FRMPD4: variants seen among roughly 807,000 people sequenced by gnomAD.
FRMPD4 encodes the protein FERM and PDZ domain-containing protein 4.
A neutral mutation model predicts 94.1 loss-of-function variants in FRMPD4; 22 were observed. The observed-to-expected ratio is 0.23, with a 90% CI of 0.17 to 0.33. The LOEUF (loss-of-function observed/expected upper bound fraction) is 0.33. Among genes scored for constraint, FRMPD4 ranks in the 10% least tolerant of loss-of-function variants. The pLI is 1.00. For missense variants in FRMPD4, 1,111 were observed against 1,339.9 expected (o/e 0.83, Z 2.67); for synonymous variants, 631 against 548.6 (o/e 1.15, Z -2.10).
At chrX:12,661,567 T>G (rs1417271515) in intron 4 of FRMPD4, among the ~76,000 whole-genome samples, 1 of 112,166 alleles carries the variant, frequency 8.9e-6, no homozygotes, top group Non-Finnish European at 1.9e-5. Context: ...TGAACATGAC[T>G]TAGAAATGAC....
intron 3 of FRMPD4, among the ~76,000 whole-genome samples, chrX:11,881,752 T>A (rs140601103): frequency 3.9e-4 from 44 of 111,658 alleles, no homozygotes; most frequent in African/African-American, 1.4e-3. Context: ...CTGTACATCC[T>A]CCAAAGTCCA....
At chrX:12,150,086 C>T (rs1355180358) in intron 1 of FRMPD4, among the ~76,000 whole-genome samples, 1 of 112,569 alleles carries the variant, frequency 8.9e-6, no homozygotes, top group Non-Finnish European at 1.9e-5. Context: ...TTTATATGCA[C>T]TGGGAAACCA....
intron 3 of FRMPD4, among the ~76,000 whole-genome samples, chrX:12,127,052 C>T (rs932894528): frequency 1.8e-5 from 2 of 112,101 alleles, no homozygotes; most frequent in Non-Finnish European, 3.8e-5. Flanking sequence ...TGTCAGAATT[C>T]ATTTGTCCCT....
At chrX:12,469,760 T>C (rs1398883910) in intron 1 of FRMPD4, among the ~76,000 whole-genome samples, 2 of 112,319 alleles carry the variant, frequency 1.8e-5, no homozygotes, top group African/African-American at 6.5e-5. Flanking sequence ...AAGAATAAAA[T>C]CTTTGAAGTT....
At chrX:12,625,738 T>A (rs951159444) in intron 4 of FRMPD4, among the ~76,000 whole-genome samples, 1 of 111,669 alleles carries the variant, frequency 9.0e-6, no homozygotes, top group Non-Finnish European at 1.9e-5. Flanking sequence ...GCAGAATGAC[T>A]ACAGTTAACA....
At chrX:11,867,810 C>T (rs1334521405) in intron 2 of FRMPD4, among the ~76,000 whole-genome samples, 1 of 110,457 alleles carries the variant, frequency 9.1e-6, no homozygotes, top group African/African-American at 3.3e-5. Flanking sequence ...GCTTATTCGC[C>T]TGCTCTAGTC....
intron 3 of FRMPD4, among the ~76,000 whole-genome samples, chrX:12,094,841 C>G (rs973595701): frequency 1.8e-5 from 2 of 112,312 alleles, no homozygotes; most frequent in Non-Finnish European, 3.8e-5. Flanking sequence ...GTGAAGCATT[C>G]TCTATGCCTC....
chrX:12,004,677 T>C (rs2054541384), intron 3 of FRMPD4, among the ~76,000 whole-genome samples: 1 of 110,069 alleles, frequency 9.1e-6, no homozygotes, highest in Admixed American at 9.9e-5. Context: ...TGGTATTGTT[T>C]TCTGTCTGCT....
At chrX:12,217,435 C>T (rs1018747823) in intron 1 of FRMPD4, among the ~76,000 whole-genome samples, 1 of 111,597 alleles carries the variant, frequency 9.0e-6, no homozygotes, top group Admixed American at 9.5e-5. Context: ...CAGTGGGCAG[C>T]GCGTCAGTCT....
chrX:12,066,281 A>G (rs934732400), intron 3 of FRMPD4, among the ~76,000 whole-genome samples: 5 of 112,082 alleles, frequency 4.5e-5, no homozygotes, highest in East Asian at 5.6e-4. Context: ...ATCCATGTGT[A>G]GGAGCAAAAT....
rs767302884 is a variant in FRMPD4 at position 12,067,107 on chromosome X, T to C, written c.95+189089T>C. Among the ~76,000 whole-genome samples, 15 of 110,112 alleles carry C rather than the reference T, an allele frequency of 1.4e-4. No individual in the cohort carries two copies. In the South Asian group the frequency reaches 5.5e-3, roughly 41 times the overall value. On this transcript the variant is annotated intron_variant, in intron 3 of 18. Transcript: ENST00000640291. Reference sequence around the variant, plus strand: ...GGATGGTCTCAAACTCTTGACCTCATGATCTGCCCACCTCGGCCTCCCAAA... The same window carrying C: ...GGATGGTCTCAAACTCTTGACCTCACGATCTGCCCACCTCGGCCTCCCAAA...
chrX:11,918,763 T>A (rs138831502), intron 3 of FRMPD4, among the ~76,000 whole-genome samples: 214 of 112,432 alleles, frequency 1.9e-3, no homozygotes, highest in African/African-American at 6.7e-3. Flanking sequence ...AGCATGCAGA[T>A]AATTTTTTAA....
At chrX:12,705,764 A>T (rs137961282) in intron 11 of FRMPD4, among the ~76,000 whole-genome samples, 1,332 of 111,389 alleles carry the variant, frequency 0.012, 20 homozygotes, top group African/African-American at 0.039. Context: ...TAATTTGGAT[A>T]ACTGCTATAA....
Position 11,943,632 on chromosome X carries a change from C to T in FRMPD4, c.95+65614C>T, listed in dbSNP as rs2054174195. ...ATTATTCCATTCATGAAGGGTCCAC[C>T]ATCAGGACCTAATCATCTCTTATTA... On this transcript the variant is annotated intron_variant, in intron 3 of 18. Coordinates refer to the FRMPD4 transcript ENST00000640291. 2.7e-5 allele frequency among the ~76,000 whole-genome samples: 3 copies of T among 111,320 alleles called. No homozygotes were observed. The Admixed American group carries it at 2.9e-4, about 11-fold the overall frequency.
intron 4 of FRMPD4, among the ~76,000 whole-genome samples, chrX:12,635,632 G>A (rs748156061): frequency 4.5e-5 from 5 of 111,082 alleles, no homozygotes; most frequent in Non-Finnish European, 9.4e-5. Context: ...ATTCCTGCCC[G>A]TGAGAAAAGG....
At chrX:12,715,917 A>G (rs1202830935) in intron 14 of FRMPD4, 152 bp from the exon 15 acceptor site, 3 of 371,977 alleles carry the variant, frequency 8.1e-6, no homozygotes, top group Non-Finnish European at 1.4e-5. Context: ...GCCTAAATCA[A>G]TAAGTACTAT....
At chrX:11,986,396 A>G (rs2054429520) in intron 3 of FRMPD4, among the ~76,000 whole-genome samples, 1 of 112,153 alleles carries the variant, frequency 8.9e-6, no homozygotes, top group Non-Finnish European at 1.9e-5. Context: ...GAAACACAAC[A>G]TAACAAAATC....
At chrX:12,033,464 C>T (rs1460560276) in intron 3 of FRMPD4, among the ~76,000 whole-genome samples, 1 of 110,920 alleles carries the variant, frequency 9.0e-6, no homozygotes, top group Non-Finnish European at 1.9e-5. Flanking sequence ...AGAAGTGAAG[C>T]AAAAGTGAAA....
chrX:12,520,638 A>G (rs2058152278), intron 2 of FRMPD4, among the ~76,000 whole-genome samples: 1 of 111,427 alleles, frequency 9.0e-6, no homozygotes, highest in East Asian at 2.8e-4. Context: ...ACTTTGCCTT[A>G]CTCTTTGAGT....
Sources: allele counts gnomAD v4.1 joint callset (sites outside exome capture counted in the v4.1 genomes callset), GRCh38; gene constraint gnomAD v4.1.1; transcripts MANE v1.5; gene names NCBI Gene and HGNC (gene_info 2026-07-23, HGNC 2026-07-21).